FMN2: variants seen among roughly 807,000 people sequenced by gnomAD.
FMN2 encodes formin 2.
Under a neutral mutation model 142.3 loss-of-function variants are expected in FMN2, and 51 were observed. The ratio of observed to expected loss-of-function variants is 0.36; its 90% CI spans 0.29 to 0.45. The LOEUF (loss-of-function observed/expected upper bound fraction) is 0.45. Among genes scored for constraint, FMN2 ranks in the 20% least tolerant of loss-of-function variants. FMN2 has a pLI of 1.00. For synonymous variants in FMN2, 882 were observed against 869.8 expected, an observed-to-expected ratio of 1.01 and a Z score of -0.25; for missense variants, 1,936 against 2,122.8, an observed-to-expected ratio of 0.91 and a Z score of 1.73.
At chr1:240,336,803 A>G (rs148452219) in intron 13 of FMN2, among the ~76,000 whole-genome samples, 12 of 152,298 alleles carry the variant, frequency 7.9e-5, no homozygotes, top group Admixed American at 7.8e-4. Context: ...TTCTTAAAAA[A>G]TGGAATCAGC....
At chr1:240,289,020 G>C (rs975266996) in intron 7 of FMN2, among the ~76,000 whole-genome samples, 1 of 152,164 alleles carries the variant, frequency 6.6e-6, no homozygotes, top group South Asian at 2.1e-4. Context: ...CCCACAGAAC[G>C]TGTGAGATAA....
At chr1:240,274,374 C>G (rs1442871784) in intron 7 of FMN2, among the ~76,000 whole-genome samples, 1 of 152,022 alleles carries the variant, frequency 6.6e-6, no homozygotes, top group Non-Finnish European at 1.5e-5. Context: ...GGGAAAACAA[C>G]CAGGCAACTG....
intron 1 of FMN2, among the ~76,000 whole-genome samples, chr1:240,103,101 G>C (rs1661470450): frequency 6.6e-6 from 1 of 152,046 alleles, no homozygotes; most frequent in Non-Finnish European, 1.5e-5. Flanking sequence ...CCTGACCTCA[G>C]GTGACCCGCC....
At chr1:240,257,430 C>G (rs966691974) in intron 6 of FMN2, among the ~76,000 whole-genome samples, 1 of 152,142 alleles carries the variant, frequency 6.6e-6, no homozygotes, top group African/African-American at 2.4e-5. Flanking sequence ...TTCTATGTGA[C>G]CCAAGTGAAA....
At chr1:240,295,192 ACACACACACAC>A (rs1669927679) in intron 8 of FMN2, among the ~76,000 whole-genome samples, 1 of 7,574 alleles carries the variant, frequency 1.3e-4, no homozygotes, top group Non-Finnish European at 3.9e-4. Context: ...CACTTCATAC[ACACACACACAC>A]ACACACACAC....
intron 16 of FMN2, among the ~76,000 whole-genome samples, chr1:240,444,040 A>G (rs1392305998): frequency 1.3e-5 from 2 of 152,144 alleles, no homozygotes; most frequent in Non-Finnish European, 2.9e-5. Flanking sequence ...TTGAGAGGCT[A>G]TGGTCTAGGT....
At chr1:240,257,836 G>A (rs985659565) in intron 6 of FMN2, 109 bp from the exon 7 acceptor site, 4 of 877,068 alleles carry the variant, frequency 4.6e-6, no homozygotes, top group African/African-American at 1.7e-5. Context: ...AGGTAATGAC[G>A]TGAGATCTTT....
intron 3 of FMN2, chr1:240,179,716 C>G (rs922913487): frequency 6.6e-6 from 1 of 152,212 alleles, no homozygotes; most frequent in Non-Finnish European, 1.5e-5. Flanking sequence ...GTATTGATCC[C>G]ATTTTCTACA....
chr1:240,107,695 T>G (rs779743630), intron 1 of FMN2, among the ~76,000 whole-genome samples: 1 of 152,160 alleles, frequency 6.6e-6, no homozygotes, highest in Non-Finnish European at 1.5e-5. Flanking sequence ...CTATTTATTT[T>G]TGTCATTTTC....
At chr1:240,138,508 T>A (rs1434909214) in intron 2 of FMN2, among the ~76,000 whole-genome samples, 1 of 151,994 alleles carries the variant, frequency 6.6e-6, no homozygotes, top group African/African-American at 2.4e-5. Flanking sequence ...AAGACCAGCC[T>A]GGCCAAATTG....
intron 8 of FMN2, among the ~76,000 whole-genome samples, chr1:240,320,521 C>A (rs1019633495): frequency 6.6e-6 from 1 of 152,092 alleles, no homozygotes; most frequent in Non-Finnish European, 1.5e-5. Context: ...AGAGAGTGGA[C>A]CTGGGACCGA....
chr1:240,316,969 T>G (rs1670804267), intron 8 of FMN2, among the ~76,000 whole-genome samples: 1 of 152,162 alleles, frequency 6.6e-6, no homozygotes, highest in African/African-American at 2.4e-5. Flanking sequence ...TACAGTTCTA[T>G]GCACTCGTGT....
At chr1:240,243,970 G>A (rs1667995604) in intron 6 of FMN2, among the ~76,000 whole-genome samples, 1 of 152,154 alleles carries the variant, frequency 6.6e-6, no homozygotes, top group Non-Finnish European at 1.5e-5. Context: ...CTTATTCCTT[G>A]AATACATTGC....
At chr1:240,363,415 T>C (rs1672558328) in intron 14 of FMN2, among the ~76,000 whole-genome samples, 1 of 152,228 alleles carries the variant, frequency 6.6e-6, no homozygotes, top group Non-Finnish European at 1.5e-5. Flanking sequence ...TCTGTAGATT[T>C]TTAAATTTCC....
intron 6 of FMN2, among the ~76,000 whole-genome samples, chr1:240,225,821 A>G (rs1246215976): frequency 6.6e-6 from 1 of 152,198 alleles, no homozygotes; most frequent in Admixed American, 6.5e-5. Flanking sequence ...CAAAGAAGGT[A>G]TGGGGACACT....
At chr1:240,275,456 A>G (rs1558406738) in intron 7 of FMN2, among the ~76,000 whole-genome samples, 1 of 151,894 alleles carries the variant, frequency 6.6e-6, no homozygotes, top group Non-Finnish European at 1.5e-5. Context: ...TCCATGGTGT[A>G]TATGTGCCAC....
chr1:240,371,926 T>C (rs537978441), intron 14 of FMN2, among the ~76,000 whole-genome samples: 1 of 152,296 alleles, frequency 6.6e-6, no homozygotes, highest in South Asian at 2.1e-4. Context: ...GAAACACTGC[T>C]AAACCATGTT....
At chr1:240,349,650 G>A (rs1198562523) in intron 13 of FMN2, among the ~76,000 whole-genome samples, 1 of 152,176 alleles carries the variant, frequency 6.6e-6, no homozygotes, top group Non-Finnish European at 1.5e-5. Context: ...TGTCTGGTGG[G>A]AATGTCTGAC....
At chr1:240,418,769 C>T (rs928755183) in intron 15 of FMN2, among the ~76,000 whole-genome samples, 1 of 152,140 alleles carries the variant, frequency 6.6e-6, no homozygotes, top group African/African-American at 2.4e-5. Context: ...CAGTATCTTT[C>T]CTGATTTTGT....
Sources: allele counts gnomAD v4.1 joint callset (sites outside exome capture counted in the v4.1 genomes callset), GRCh38; gene constraint gnomAD v4.1.1; transcripts MANE v1.5; gene names NCBI Gene and HGNC (gene_info 2026-07-23, HGNC 2026-07-21).